TMEM44: variants seen among roughly 807,000 people sequenced by gnomAD.
TMEM44 encodes the protein transmembrane protein 44.
In TMEM44, 43 loss-of-function variants were observed where a neutral mutation model predicts 47.8. That is an observed-to-expected ratio of 0.90 (90% CI 0.70 to 1.16). The LOEUF is 1.16. Ranked by LOEUF, TMEM44 falls within the 50% of genes most tolerant of loss-of-function variation. TMEM44 has a pLI of 0.00. For synonymous variants in TMEM44, 277 were observed against 238.8 expected (o/e 1.16, Z -1.48); for missense variants, 568 against 555.2 (o/e 1.02, Z -0.23).
intron 9 of TMEM44, among the ~76,000 whole-genome samples, chr3:194,600,214 C>G (rs965917726): frequency 6.6e-6 from 1 of 152,206 alleles, no homozygotes; most frequent in African/African-American, 2.4e-5. Context: ...ACCTCAGTCT[C>G]CCAAGTAGCT....
intron 9 of TMEM44, among the ~76,000 whole-genome samples, chr3:194,595,712 G>A (rs56923787): frequency 0.098 from 14,788 of 150,528 alleles, 799 homozygotes; most frequent in South Asian, 0.21. Flanking sequence ...TGCAACCTCC[G>A]CCTCCCGGGT....
At chr3:194,604,973 T>G (rs1714614782) in intron 8 of TMEM44, among the ~76,000 whole-genome samples, 1 of 152,244 alleles carries the variant, frequency 6.6e-6, no homozygotes, top group African/African-American at 2.4e-5. Context: ...AAAGAGAGTA[T>G]GTACATTTGA....
At chr3:194,614,194 T>C (rs1715641981) in intron 7 of TMEM44, among the ~76,000 whole-genome samples, 3 of 152,112 alleles carry the variant, frequency 2.0e-5, no homozygotes. Context: ...GTAGTTACAT[T>C]GCAGTGACCA....
chr3:194,605,772 A>G (rs1714710918), intron 8 of TMEM44, among the ~76,000 whole-genome samples: 1 of 152,178 alleles, frequency 6.6e-6, no homozygotes, highest in Non-Finnish European at 1.5e-5. Context: ...CTCATCTATA[A>G]AAGGGGATGA....
chr3:194,590,125 A>G (rs1027192886), intron 9 of TMEM44: 1 of 152,220 alleles, frequency 6.6e-6, no homozygotes, highest in African/African-American at 2.4e-5. Context: ...TCCAATCCTT[A>G]GAGGTTCCAG....
intron 6 of TMEM44, chr3:194,616,824 G>C (rs1174082266): frequency 2.0e-6 from 1 of 490,910 alleles, no homozygotes; most frequent in Non-Finnish European, 3.7e-6. Context: ...GAAATTGGGA[G>C]GTGAAGGTTG....
intron 8 of TMEM44, among the ~76,000 whole-genome samples, chr3:194,605,300 C>T (rs901790442): frequency 6.6e-6 from 1 of 152,226 alleles, no homozygotes; most frequent in Non-Finnish European, 1.5e-5. Flanking sequence ...GGATTCACAT[C>T]ATTCCACTGA....
chr3:194,602,809 C>A (rs1368370059), intron 9 of TMEM44, among the ~76,000 whole-genome samples: 2 of 152,118 alleles, frequency 1.3e-5, no homozygotes, highest in Non-Finnish European at 1.5e-5. Flanking sequence ...CAGACTTCAT[C>A]CCAGTCAGTG....
At chr3:194,622,211 G>A (rs1185163685) in intron 5 of TMEM44, among the ~76,000 whole-genome samples, 4 of 152,310 alleles carry the variant, frequency 2.6e-5, no homozygotes, top group African/African-American at 4.8e-5. Context: ...CTCCTCTGCC[G>A]ATGGCCTTTC....
chr3:194,592,620 CT>C (rs1553823912), intron 9 of TMEM44, among the ~76,000 whole-genome samples: 90 of 146,110 alleles, frequency 6.2e-4, no homozygotes, highest in Admixed American at 8.9e-4. Context: ...CTCATTTTGA[CT>C]TTTTTTTTTT....
At position 194,611,166 on chromosome 3, in the gene TMEM44, TATAAG is replaced by T. The variant is rs549646626; in HGVS notation, c.913-151_913-147del. Reference sequence around the variant, plus strand: ...ACGGCACGTCTCACTTTCTGCTTCCTATAAGATGTGTCTTATCTTTCTCTTCGAGG... The same window carrying T: ...ACGGCACGTCTCACTTTCTGCTTCCTATGTGTCTTATCTTTCTCTTCGAGG... On this transcript the variant is annotated intron_variant, in intron 7 of 9. Coordinates refer to ENST00000347147, the MANE Select transcript of TMEM44 (RefSeq NM_001011655.3). This position sits in a 1 kb window ranked among gnomAD's most constrained non-coding sequence, Gnocchi z 4.2. 159 of 681,562 alleles carry T rather than the reference TATAAG, an allele frequency of 2.3e-4. No homozygotes were observed. The highest frequency in any genetic ancestry group is 1.4e-3 in the African/African-American group (77 of 56,136). The allele number at this position is 681,562 out of a possible 1,614,324, so 42.2% of individuals were successfully genotyped here.
At chr3:194,618,579 TTATA>T (rs1054640612) in intron 5 of TMEM44, among the ~76,000 whole-genome samples, 9 of 148,254 alleles carry the variant, frequency 6.1e-5, no homozygotes, top group African/African-American at 1.5e-4. Flanking sequence ...ATAATTTAGT[TTATA>T]TATATAATTC....
intron 9 of TMEM44, among the ~76,000 whole-genome samples, chr3:194,592,085 G>A (rs1712814262): frequency 6.6e-6 from 1 of 152,014 alleles, no homozygotes; most frequent in East Asian, 1.9e-4. Context: ...GGGCGCGGTG[G>A]CGGGCGCCTG....
chr3:194,599,647 T>C (rs1185515445), intron 9 of TMEM44, among the ~76,000 whole-genome samples: 4 of 151,144 alleles, frequency 2.6e-5, no homozygotes, highest in Non-Finnish European at 5.9e-5. Context: ...TGCGGTGGCT[T>C]GATCTTGACT....
intron 8 of TMEM44, 36 bp from the exon 9 acceptor site, chr3:194,604,481 G>T (rs544365319): frequency 6.8e-7 from 1 of 1,463,880 alleles, no homozygotes; most frequent in Admixed American, 2.6e-5. Flanking sequence ...GCAAGGACAC[G>T]TAGTTTAGTT....
chr3:194,604,335 C>A lies in TMEM44; in HGVS notation c.1128G>T (p.Val376=). 1 of 1,577,382 alleles carries A rather than the reference C, an allele frequency of 6.3e-7. No homozygotes were observed. Among genetic ancestry groups the A allele is most frequent in the Non-Finnish European group, 8.6e-7 (1 of 1,162,086 alleles). ...YPPVQVIRAR[V]SSGSSSEVSS... ...AGACCTCAGAGGAGCTGCCGGAAGA[C>A]ACCCGGGCCCGGATGACCTGAACGG... The change falls in exon 9 of 10, where the codon GTG becomes GTT. Residue 376 remains valine, a synonymous_variant. Coordinates refer to ENST00000347147, the MANE Select transcript of TMEM44 (RefSeq NM_001011655.3).
At chr3:194,589,523 A>ACACGGTGT (rs1231722807) in intron 9 of TMEM44, 1 of 152,160 alleles carries the variant, frequency 6.6e-6, no homozygotes, top group Admixed American at 6.6e-5. Flanking sequence ...TCCTGCTCCT[A>ACACGGTGT]CACGGTGTTT....
intron 9 of TMEM44, among the ~76,000 whole-genome samples, chr3:194,594,153 A>ATCTGTCTGTCTGTCTG (rs1553824446): frequency 2.6e-4 from 38 of 148,394 alleles, no homozygotes; most frequent in Non-Finnish European, 3.6e-4. Flanking sequence ...CTATCTATCT[A>ATCTGTCTGTCTGTCTG]TCTATCTATC....
intron 9 of TMEM44, among the ~76,000 whole-genome samples, chr3:194,595,087 G>A (rs1474768766): frequency 6.6e-6 from 1 of 152,078 alleles, no homozygotes; most frequent in Non-Finnish European, 1.5e-5. Context: ...AAAAAACAAA[G>A]ATCTACCAAA....
Sources: gnomAD v4.1 joint callset for allele counts (sites outside exome capture counted in the v4.1 genomes callset) on GRCh38, gnomAD v4.1.1 for gene constraint, Gnocchi (gnomAD v3.1) non-coding constraint, MANE v1.5 for transcripts, NCBI Gene and HGNC (gene_info 2026-07-23, HGNC 2026-07-21) for gene names.